The following AKAP19 variants were observed in gnomAD, a reference collection of about 807,000 sequenced individuals.
AKAP19 encodes the protein A-kinase anchoring protein 19.
the AKAP19 span, among the ~76,000 whole-genome samples, chr2:190,007,327 C>T: frequency 6.6e-6 from 1 of 152,208 alleles, no homozygotes. Flanking sequence ...CATCCGTTCT[C>T]TCACTTTATG....
At chr2:190,082,453 C>T in the AKAP19 span, among the ~76,000 whole-genome samples, 1 of 152,184 alleles carries the variant, frequency 6.6e-6, no homozygotes, top group Admixed American at 6.5e-5. Context: ...CATCATTCTT[C>T]AGTTGATATA....
At chr2:190,058,763 G>A in the AKAP19 span, among the ~76,000 whole-genome samples, 7 of 151,944 alleles carry the variant, frequency 4.6e-5, no homozygotes, top group Non-Finnish European at 8.8e-5. Flanking sequence ...AATACCATAC[G>A]TTCTTACTTA....
At chr2:190,046,976 G>GA in the AKAP19 span, among the ~76,000 whole-genome samples, 1 of 151,842 alleles carries the variant, frequency 6.6e-6, no homozygotes, top group African/African-American at 2.4e-5. Context: ...TACACACACA[G>GA]AAAAAAAGGG....
chr2:190,008,750 ACACACACACACACACACACACC>A, the AKAP19 span, among the ~76,000 whole-genome samples: 2 of 104,550 alleles, frequency 1.9e-5, no homozygotes, highest in African/African-American at 5.3e-5. Context: ...ACACACACAC[ACACACACACACACACACACACC>A]CACCTGGTCT....
the AKAP19 span, among the ~76,000 whole-genome samples, chr2:189,992,593 T>A: frequency 1.3e-5 from 2 of 152,186 alleles, no homozygotes; most frequent in African/African-American, 4.8e-5. Flanking sequence ...TTGCATTAAA[T>A]CTTTAGATTG....
chr2:189,981,590 A>G, the AKAP19 span, among the ~76,000 whole-genome samples: 1 of 152,184 alleles, frequency 6.6e-6, no homozygotes, highest in Non-Finnish European at 1.5e-5. Flanking sequence ...TAATTGCTAT[A>G]TGGGATCTGT....
the AKAP19 span, among the ~76,000 whole-genome samples, chr2:190,102,743 C>T: frequency 1.3e-5 from 2 of 152,052 alleles, no homozygotes; most frequent in East Asian, 3.9e-4. Flanking sequence ...GACAGATTCA[C>T]GGACAAATAC....
the AKAP19 span, among the ~76,000 whole-genome samples, chr2:190,020,714 A>G: frequency 6.6e-6 from 1 of 152,078 alleles, no homozygotes; most frequent in African/African-American, 2.4e-5. Flanking sequence ...CATCTTCCCA[A>G]ACTGAAACTC....
At chr2:190,008,396 A>G in the AKAP19 span, among the ~76,000 whole-genome samples, 5 of 152,184 alleles carry the variant, frequency 3.3e-5, no homozygotes, top group Non-Finnish European at 5.9e-5. Flanking sequence ...ACCTTTCTTC[A>G]TTAAATGAAG....
chr2:190,065,663 G>T, the AKAP19 span, among the ~76,000 whole-genome samples: 1 of 152,232 alleles, frequency 6.6e-6, no homozygotes, highest in East Asian at 1.9e-4. Context: ...ATTGGGTGAT[G>T]TAAATGTTAT....
At chr2:189,978,009 T>A in the AKAP19 span, among the ~76,000 whole-genome samples, 1 of 152,224 alleles carries the variant, frequency 6.6e-6, no homozygotes, top group Non-Finnish European at 1.5e-5. Context: ...AGATTTTGCC[T>A]AATCATAGCC....
the AKAP19 span, among the ~76,000 whole-genome samples, chr2:190,153,766 T>C: frequency 6.6e-6 from 1 of 152,212 alleles, no homozygotes; most frequent in South Asian, 2.1e-4. Context: ...CACTTGATCA[T>C]GGTATATTCT....
the AKAP19 span, among the ~76,000 whole-genome samples, chr2:189,898,020 C>T: frequency 1.3e-4 from 20 of 151,936 alleles, no homozygotes; most frequent in Non-Finnish European, 1.6e-4. Flanking sequence ...CCAGCCAGGG[C>T]AACATTGTGA....
At chr2:189,885,890 C>T in the AKAP19 span, among the ~76,000 whole-genome samples, 1 of 152,100 alleles carries the variant, frequency 6.6e-6, no homozygotes, top group African/African-American at 2.4e-5. Context: ...CTCACTGCAA[C>T]CTCCACCTCC....
the AKAP19 span, among the ~76,000 whole-genome samples, chr2:189,984,286 G>T: frequency 2.6e-5 from 4 of 152,104 alleles, no homozygotes; most frequent in Non-Finnish European, 4.4e-5. Flanking sequence ...TACACCCTGG[G>T]GGGGCCAGTT....
the AKAP19 span, among the ~76,000 whole-genome samples, chr2:190,146,983 G>A: frequency 3.3e-5 from 5 of 152,070 alleles, no homozygotes; most frequent in South Asian, 4.1e-4. Flanking sequence ...TCATTTTGGC[G>A]TGCAAAAGCT....
the AKAP19 span, among the ~76,000 whole-genome samples, chr2:190,067,491 A>G: frequency 6.6e-6 from 1 of 152,216 alleles, no homozygotes; most frequent in South Asian, 2.1e-4. Flanking sequence ...GTAATTTTAA[A>G]ACATTGTTTA....
chr2:190,037,809 G>T, the AKAP19 span, among the ~76,000 whole-genome samples: 1 of 152,132 alleles, frequency 6.6e-6, no homozygotes, highest in Admixed American at 6.5e-5. Flanking sequence ...CTTTCTTTAC[G>T]TTCTTTAACT....
chr2:190,071,592 T>C, the AKAP19 span, among the ~76,000 whole-genome samples: 4 of 152,300 alleles, frequency 2.6e-5, no homozygotes, highest in South Asian at 6.2e-4. Context: ...ATGTTAAATA[T>C]GATGTTCATA....
Sources: allele counts gnomAD v4.1 joint callset (sites outside exome capture counted in the v4.1 genomes callset), GRCh38; gene constraint gnomAD v4.1.1; transcripts MANE v1.5; gene names NCBI Gene and HGNC (gene_info 2026-07-23, HGNC 2026-07-21).